The following RHOA variants were observed in gnomAD, a reference collection of about 807,000 sequenced individuals.
RHOA encodes ras homolog family member A.
Under a neutral mutation model 17.5 loss-of-function variants are expected in RHOA, and 3 were observed. The observed-to-expected ratio is 0.17, with a 90% confidence interval of 0.08 to 0.44. The LOEUF (loss-of-function observed/expected upper bound fraction) is 0.44, where lower values mean the gene tolerates loss of function less well. Among genes scored for constraint, RHOA ranks in the 20% least tolerant of loss-of-function variants. The pLI, the probability that RHOA is intolerant of heterozygous loss-of-function variation, is 0.99. For missense variants in RHOA, 56 were observed against 242.3 expected (o/e 0.23, Z 5.10); for synonymous variants, 98 against 88.4 (o/e 1.11, Z -0.61).
chr3:49,367,901 GTAATAA>G (rs1045285718), intron 3 of RHOA, among the ~76,000 whole-genome samples: 6 of 151,536 alleles, frequency 4.0e-5, no homozygotes, highest in South Asian at 4.2e-4. Flanking sequence ...ATATTATTTA[GTAATAA>G]TAATAATAAT....
rs1190959045 is a variant in RHOA at position 49,360,527 on chromosome 3, G to A, written c.409-145C>T. The A allele has an allele frequency of 6.3e-6, 5 of 787,816 alleles. No individual in the cohort carries two copies. The East Asian group carries it at 1.4e-4, about 22-fold the overall frequency. The allele number at this position is 787,816 out of a possible 1,614,324, so 48.8% of individuals were successfully genotyped here. On this transcript the variant is annotated intron_variant, in intron 4 of 4. Transcript: ENST00000418115. ...CGGTCGCCCAGGCTGGAGGGCAATGGCATGATCTCAGCTGACTGCAACCTC... is the reference window on the plus strand; with the variant it reads ...CGGTCGCCCAGGCTGGAGGGCAATGACATGATCTCAGCTGACTGCAACCTC...
At chr3:49,407,681 C>T (rs2107913445) in intron 1 of RHOA, among the ~76,000 whole-genome samples, 1 of 151,870 alleles carries the variant, frequency 6.6e-6, no homozygotes, top group Non-Finnish European at 1.5e-5. Flanking sequence ...ATCTAAATGA[C>T]TTCTAATCTC....
chr3:49,402,833 T>C (rs768951041), intron 1 of RHOA, among the ~76,000 whole-genome samples: 36 of 150,234 alleles, frequency 2.4e-4, no homozygotes, highest in Non-Finnish European at 4.6e-4. Context: ...GTCAGGCCTT[T>C]GAGACCAGCC....
intron 1 of RHOA, among the ~76,000 whole-genome samples, chr3:49,407,232 G>GTTTTTTTTTTTTTTTTTTTTTTT (rs61556875): frequency 1.4e-5 from 1 of 70,022 alleles, no homozygotes; most frequent in Non-Finnish European, 2.5e-5. Flanking sequence ...AATCCTTTCC[G>GTTTTTTTTTTTTTTTTTTTTTTT]TTTTTTTTTT....
chr3:49,365,027 C>T (rs1000170655), intron 3 of RHOA: 2 of 151,998 alleles, frequency 1.3e-5, no homozygotes, highest in Non-Finnish European at 2.9e-5. Flanking sequence ...TGACCCACCT[C>T]TACAAATGTT....
rs1457963773 is a variant in RHOA at position 49,405,136 on chromosome 3, T to C, written c.-3+6684A>G. On this transcript the variant is annotated intron_variant, in intron 1 of 4. Coordinates refer to ENST00000418115, the MANE Select transcript of RHOA (RefSeq NM_001664.4). ...AGCCGGGCGTGGTGGCGGGCACCTG[T>C]AGTCTCAGCTACTCAGGAGGCTGAG... Among the ~76,000 whole-genome samples, 6 of 147,968 alleles carry C rather than the reference T, an allele frequency of 4.1e-5. No individual in the cohort carries two copies. In the South Asian group the frequency reaches 1.1e-3, roughly 26 times the overall value.
intron 1 of RHOA, among the ~76,000 whole-genome samples, chr3:49,408,351 T>C (rs185320350): frequency 6.0e-4 from 91 of 151,556 alleles, no homozygotes; most frequent in African/African-American, 2.1e-3. Flanking sequence ...CTTCAAAAAA[T>C]AAAATCAAGC....
chr3:49,373,337 C>G (rs1012171961), intron 2 of RHOA: 1 of 190,814 alleles, frequency 5.2e-6, no homozygotes, highest in Non-Finnish European at 1.2e-5. Flanking sequence ...GAGGGAGACT[C>G]TGTCTCTAGA....
At chr3:49,374,243 G>C (rs910617807) in intron 2 of RHOA, among the ~76,000 whole-genome samples, 18 of 152,126 alleles carry the variant, frequency 1.2e-4, no homozygotes, top group African/African-American at 4.3e-4. Flanking sequence ...CAGCTACTTG[G>C]GAGGATGAGG....
In RHOA at chr3:49,369,541, T is replaced by C. The variant is rs191707088; in HGVS notation, c.157-993A>G. On this transcript the variant is annotated intron_variant, in intron 2 of 4. Coordinates refer to ENST00000418115, the MANE Select transcript of RHOA (RefSeq NM_001664.4). Reference sequence around the variant, plus strand: ...TGAGCTCAGGAGTTCGAGACCAGCCTGGGCAACATGGTGAAACCCCGTCCC... The same window carrying C: ...TGAGCTCAGGAGTTCGAGACCAGCCCGGGCAACATGGTGAAACCCCGTCCC... Among the ~76,000 whole-genome samples, 752 of 150,176 alleles carry C rather than the reference T, an allele frequency of 5.0e-3. 5 individuals are homozygous for C. Among genetic ancestry groups the C allele is most frequent in the African/African-American group, 0.018 (721 of 40,926 alleles).
chr3:49,391,662 C>G lies in RHOA; in HGVS notation c.-2-16071G>C, dbSNP rs564699749. ...CGGTAGCTGGGATTACAGGCATGCACCACCATGCCCGGGTAATTTTGTATT... is the reference window on the plus strand; with the variant it reads ...CGGTAGCTGGGATTACAGGCATGCAGCACCATGCCCGGGTAATTTTGTATT... On this transcript the variant is annotated intron_variant, in intron 1 of 4. Coordinates refer to ENST00000418115, the MANE Select transcript of RHOA (RefSeq NM_001664.4). 2.7e-3 allele frequency among the ~76,000 whole-genome samples: 413 copies of G among 152,030 alleles called. 3 individuals carry two copies. The highest frequency in any genetic ancestry group is 9.2e-3 in the African/African-American group (383 of 41,486).
At chr3:49,369,633 G>A (rs968153007) in intron 2 of RHOA, among the ~76,000 whole-genome samples, 9 of 151,766 alleles carry the variant, frequency 5.9e-5, no homozygotes, top group East Asian at 2.0e-4. Flanking sequence ...TACTGGAGAG[G>A]CTAAGGCAGG....
chr3:49,383,461 C>CA (rs1486761245), intron 1 of RHOA, among the ~76,000 whole-genome samples: 1 of 150,954 alleles, frequency 6.6e-6, no homozygotes, highest in Non-Finnish European at 1.5e-5. Flanking sequence ...GTTTATAGTT[C>CA]AACATGCCCA....
intron 2 of RHOA, among the ~76,000 whole-genome samples, chr3:49,369,122 C>T (rs979478936): frequency 1.4e-5 from 2 of 138,736 alleles, no homozygotes; most frequent in Admixed American, 1.6e-4. Flanking sequence ...CCCCCGGGTT[C>T]ATGCCATTCT....
chr3:49,382,413 T>C (rs529601233), intron 1 of RHOA, among the ~76,000 whole-genome samples: 73 of 151,932 alleles, frequency 4.8e-4, no homozygotes, highest in Non-Finnish European at 9.3e-4. Context: ...GGCAGGCAAA[T>C]TGCTTGAGCC....
At chr3:49,394,792 A>C (rs574838056) in intron 1 of RHOA, among the ~76,000 whole-genome samples, 2 of 152,300 alleles carry the variant, frequency 1.3e-5, no homozygotes, top group South Asian at 2.1e-4. Flanking sequence ...ACTCAGAGAA[A>C]AGGCAAGTGA....
rs1470820650 is a variant in RHOA, at chr3:49,398,519, G to A, written c.-3+13301C>T. 2.0e-5 allele frequency among the ~76,000 whole-genome samples: 3 copies of A among 152,040 alleles called. No individual in the cohort carries two copies. The East Asian group carries it at 5.8e-4, about 30-fold the overall frequency. On this transcript the variant is annotated intron_variant, in intron 1 of 4. Transcript: ENST00000418115. The stretch of plus-strand genomic sequence containing the variant: ...TAGCATCAATAGATGTTAAGCCCCA[G>A]TGGGGGCTTAAAGAATTTTGCTGGC...
chr3:49,362,119 G>C (rs778489226), intron 4 of RHOA, among the ~76,000 whole-genome samples: 1 of 151,062 alleles, frequency 6.6e-6, no homozygotes, highest in Non-Finnish European at 1.5e-5. Context: ...CCCCGGAGGC[G>C]GAGGTTGCAG....
intron 1 of RHOA, among the ~76,000 whole-genome samples, chr3:49,401,450 T>C (rs1326857485): frequency 6.6e-6 from 1 of 151,566 alleles, no homozygotes; most frequent in Non-Finnish European, 1.5e-5. Context: ...CCCAAGAGTT[T>C]GACACCAGCC....
Sources: allele counts gnomAD v4.1 joint callset (sites outside exome capture counted in the v4.1 genomes callset), GRCh38; gene constraint gnomAD v4.1.1; transcripts MANE v1.5; gene names NCBI Gene and HGNC (gene_info 2026-07-23, HGNC 2026-07-21).